PLEKHH2: variants seen among roughly 807,000 people sequenced by gnomAD.
PLEKHH2 encodes pleckstrin homology, MyTH4 and FERM domain containing H2, also known as pleckstrin homology domain-containing family H member 2.
Under a neutral mutation model 187.9 loss-of-function variants are expected in PLEKHH2, and 129 were observed. The observed-to-expected ratio is 0.69, with a 90% CI of 0.59 to 0.79. PLEKHH2 has a LOEUF of 0.79. Ranked by LOEUF, PLEKHH2 falls within the 30% of genes least tolerant of loss-of-function variation. The probability of loss-of-function intolerance (pLI) is 0.00; values close to 1 mark genes in which losing one functional copy is unlikely to be tolerated. For synonymous variants in PLEKHH2, 686 were observed against 605.6 expected (o/e 1.13, Z -1.95); for missense variants, 2,076 against 1,751.2 (o/e 1.19, Z -3.31).
intron 3 of PLEKHH2, chr2:43,692,264 C>T (rs1368211743): frequency 7.2e-6 from 2 of 279,492 alleles, no homozygotes; most frequent in African/African-American, 2.3e-5. Flanking sequence ...CTCTAGGAAA[C>T]ATGTACATTA....
At chr2:43,741,600 CT>C (rs1671563790) in intron 21 of PLEKHH2, among the ~76,000 whole-genome samples, 1 of 152,150 alleles carries the variant, frequency 6.6e-6, no homozygotes, top group African/African-American at 2.4e-5. Context: ...TGTCAGGTTG[CT>C]TAAACTCTTG....
intron 24 of PLEKHH2, among the ~76,000 whole-genome samples, 180 bp downstream of exon 24, chr2:43,746,143 A>C (rs1211275207): frequency 6.6e-6 from 1 of 152,226 alleles, no homozygotes. Flanking sequence ...TTTGTTTCTA[A>C]TTCTAGTCTC....
intron 29 of PLEKHH2, 21 bp from the exon 30 acceptor site, chr2:43,765,392 A>C: frequency 6.2e-7 from 1 of 1,610,444 alleles, no homozygotes; most frequent in Non-Finnish European, 8.5e-7. Context: ...GAGCAAAACA[A>C]TTCTGTTTTC....
intron 26 of PLEKHH2, among the ~76,000 whole-genome samples, chr2:43,757,956 A>G (rs1038953667): frequency 8.5e-5 from 13 of 152,190 alleles, no homozygotes; most frequent in African/African-American, 3.1e-4. Context: ...AAAATAAACT[A>G]TCTTCTTACA....
chr2:43,740,432 G>A (rs886228948), intron 20 of PLEKHH2, among the ~76,000 whole-genome samples: 3 of 152,124 alleles, frequency 2.0e-5, no homozygotes, highest in African/African-American at 7.2e-5. Flanking sequence ...ACAGAACAGA[G>A]CGAAGGAAAA....
intron 17 of PLEKHH2, among the ~76,000 whole-genome samples, chr2:43,729,028 G>T (rs1418197834): frequency 6.6e-6 from 1 of 152,086 alleles, no homozygotes; most frequent in Non-Finnish European, 1.5e-5. Context: ...AATAAATATG[G>T]TGTGTCCATA....
intron 16 of PLEKHH2, among the ~76,000 whole-genome samples, chr2:43,722,200 G>A (rs996945848): frequency 6.7e-6 from 1 of 150,040 alleles, no homozygotes; most frequent in South Asian, 2.1e-4. Flanking sequence ...AGGCTGCAGT[G>A]AGCTGTGATC....
At chr2:43,751,926 CT>C (rs1191371733) in intron 24 of PLEKHH2, among the ~76,000 whole-genome samples, 763 of 139,710 alleles carry the variant, frequency 5.5e-3, no homozygotes, top group African/African-American at 0.011. Context: ...CTCTCTCTCT[CT>C]TTTTTTTTTT....
At chr2:43,733,293 A>G (rs898591269) in intron 19 of PLEKHH2, among the ~76,000 whole-genome samples, 1 of 150,842 alleles carries the variant, frequency 6.6e-6, no homozygotes, top group African/African-American at 2.4e-5. Context: ...AACCTAGGAA[A>G]TGGAGGTTGC....
rs1292191383 is a variant in PLEKHH2 at position 43,742,296 on chromosome 2, C to G, written c.3222-445C>G. ...GGATTACAGGCATGAGCCACCATGC[C>G]TGGCCTGAAGACATTTTTTTTTTTT... On this transcript the variant is annotated intron_variant, in intron 21 of 29. Transcript: ENST00000282406. 2.0e-5 allele frequency among the ~76,000 whole-genome samples: 3 copies of G among 151,730 alleles called. No individual in the cohort carries two copies. The East Asian group carries it at 5.8e-4, about 29-fold the overall frequency.
Position 43,699,853 on chromosome 2 carries a change from A to G in PLEKHH2, c.895A>G (p.Lys299Glu). Reference sequence around the variant, plus strand: ...GGAAGACGGGAGCAAAGGAAGATCCAAGTCCAGATGCACATCCACCCTCTC... The same window carrying G: ...GGAAGACGGGAGCAAAGGAAGATCCGAGTCCAGATGCACATCCACCCTCTC... ...DEEDGSKGRS[K>E]SRCTSTLSSH... Residue 299 changes from lysine (K) to glutamate (E), a missense_variant, in exon 8 of 30, where the codon AAG becomes GAG. Transcript: ENST00000282406. 6.2e-7 allele frequency: 1 copy of G among 1,614,158 alleles called. No individual in the cohort carries two copies. The highest frequency in any genetic ancestry group is 8.5e-7 in the Non-Finnish European group (1 of 1,179,988).
Position 43,637,263 on chromosome 2 carries a change from C to T in PLEKHH2, c.-120C>T, listed in dbSNP as rs1052839972. ...CCCTGGAGGAGGCGGTGCCCTTCCC[C>T]GCCCTCTCCGAGCTCGGCTTGAGGC... On this transcript the variant is annotated 5_prime_UTR_variant, in exon 1 of 30. Coordinates refer to ENST00000282406, the MANE Select transcript of PLEKHH2 (RefSeq NM_172069.4). 6.6e-6 allele frequency: 1 copy of T among 152,314 alleles called. No homozygotes were observed. Among genetic ancestry groups the T allele is most frequent in the Non-Finnish European group, 1.5e-5 (1 of 68,106 alleles). The allele number at this position is 152,314 out of a possible 1,614,324, so 9.4% of individuals were successfully genotyped here.
chr2:43,710,002 C>A lies in PLEKHH2; in HGVS notation c.1979C>A (p.Ser660Tyr). The A allele has an allele frequency of 6.2e-7, 1 of 1,611,468 alleles. No homozygotes were observed. ...TTTGTTCTCTTAGGTGTGTCTCTCT[C>A]CTCTGTGGCTTCTGAAAGTGATTAT... ...PRAMKRGVSL[S>Y]SVASESDYAI... The change falls in exon 12 of 30, where the codon TCC becomes TAC. Residue 660 changes from serine (S) to tyrosine (Y), a missense_variant. Physicochemically the swap from Ser to Tyr is moderately radical, Grantham distance 144. Coordinates refer to ENST00000282406, the MANE Select transcript of PLEKHH2 (RefSeq NM_172069.4).
intron 13 of PLEKHH2, 63 bp from the exon 14 acceptor site, chr2:43,710,426 A>G: frequency 6.3e-7 from 1 of 1,580,730 alleles, no homozygotes; most frequent in Non-Finnish European, 8.6e-7. Flanking sequence ...TAATGATACA[A>G]AGCATTCCTT....
chr2:43,670,543 C>T (rs1667446812), intron 2 of PLEKHH2, among the ~76,000 whole-genome samples: 1 of 151,866 alleles, frequency 6.6e-6, no homozygotes, highest in Non-Finnish European at 1.5e-5. Flanking sequence ...TCTAATATGT[C>T]TGTTTTTATA....
intron 3 of PLEKHH2, among the ~76,000 whole-genome samples, chr2:43,691,726 A>T (rs995599817): frequency 1.2e-4 from 18 of 152,098 alleles, no homozygotes; most frequent in Non-Finnish European, 4.4e-5. Context: ...TCTCTTACCC[A>T]TTAGAATTAA....
chr2:43,732,439 C>T (rs529420725), intron 19 of PLEKHH2, among the ~76,000 whole-genome samples: 3 of 152,232 alleles, frequency 2.0e-5, no homozygotes, highest in South Asian at 2.1e-4. Flanking sequence ...TGACTCTTAT[C>T]ACTTCACTCA....
chr2:43,638,894 A>C (rs1426194508), intron 1 of PLEKHH2, among the ~76,000 whole-genome samples: 1 of 152,206 alleles, frequency 6.6e-6, no homozygotes, highest in Non-Finnish European at 1.5e-5. Flanking sequence ...ACCAATTTGC[A>C]GTTCTGATTT....
intron 1 of PLEKHH2, among the ~76,000 whole-genome samples, chr2:43,640,147 A>C (rs995311926): frequency 6.6e-6 from 1 of 152,140 alleles, no homozygotes; most frequent in Admixed American, 6.5e-5. Context: ...TAAAGTTACC[A>C]ATACTTTATA....
Sources: gnomAD v4.1 joint callset for allele counts (sites outside exome capture counted in the v4.1 genomes callset) on GRCh38, gnomAD v4.1.1 for gene constraint, MANE v1.5 for transcripts, NCBI Gene and HGNC (gene_info 2026-07-23, HGNC 2026-07-21) for gene names.